GRM4: variants seen among roughly 807,000 people sequenced by gnomAD.
GRM4 encodes metabotropic glutamate receptor 4.
Under a neutral mutation model 81.7 loss-of-function variants are expected in GRM4, and 28 were observed. That is an observed-to-expected ratio of 0.34 (90% CI 0.25 to 0.47). The LOEUF is 0.47. Ranked by LOEUF, GRM4 falls within the 20% of genes least tolerant of loss-of-function variation. The probability of loss-of-function intolerance (pLI) is 1.00; values close to 1 mark genes in which losing one functional copy is unlikely to be tolerated. For synonymous variants in GRM4, 488 were observed against 528.8 expected, an observed-to-expected ratio of 0.92 and a Z score of 1.06; for missense variants, 948 against 1,290.0, an observed-to-expected ratio of 0.73 and a Z score of 4.06.
chr6:34,117,001 C>T (rs190143658), intron 2 of GRM4, among the ~76,000 whole-genome samples: 5 of 152,320 alleles, frequency 3.3e-5, no homozygotes, highest in Admixed American at 3.3e-4. Flanking sequence ...TATTGATTAT[C>T]CTTGGGGAGG....
At chr6:34,147,401 T>C (rs1221154805), upstream of GRM4, among the ~76,000 whole-genome samples, 1 of 152,220 alleles carries the variant, frequency 6.6e-6, no homozygotes, top group African/African-American at 2.4e-5. Context: ...CCCAGCCAAG[T>C]GTGCACTGCT....
intron 6 of GRM4, among the ~76,000 whole-genome samples, chr6:34,044,839 C>T (rs1189859243): frequency 1.4e-5 from 2 of 142,688 alleles, no homozygotes; most frequent in African/African-American, 2.9e-5. Flanking sequence ...CATACATACA[C>T]ATATATACAT....
intron 2 of GRM4, chr6:34,110,736 C>T (rs1016519667): frequency 3.3e-6 from 5 of 1,505,314 alleles, no homozygotes; most frequent in Non-Finnish European, 4.4e-6. Context: ...GCTGGTAGCA[C>T]CTGCAGCCCG....
intron 2 of GRM4, among the ~76,000 whole-genome samples, chr6:34,125,512 G>A (rs1430090611): frequency 6.6e-6 from 1 of 152,228 alleles, no homozygotes; most frequent in Admixed American, 6.5e-5. Context: ...GGGGATCCAG[G>A]AATCCAATGC....
chr6:34,043,468 A>T (rs775092190), intron 6 of GRM4, among the ~76,000 whole-genome samples: 6 of 152,018 alleles, frequency 3.9e-5, no homozygotes, highest in Non-Finnish European at 8.8e-5. Flanking sequence ...ATAAAACACT[A>T]CTTGACTCCC....
intron 1 of GRM4, among the ~76,000 whole-genome samples, chr6:34,139,154 G>A (rs2046820): frequency 6.6e-6 from 1 of 152,194 alleles, no homozygotes; most frequent in Non-Finnish European, 1.5e-5. Flanking sequence ...TCCTTCCCCC[G>A]TGAGCTGCTC....
intron 2 of GRM4, among the ~76,000 whole-genome samples, chr6:34,109,263 G>A (rs1769265269): frequency 6.6e-6 from 1 of 152,208 alleles, no homozygotes; most frequent in African/African-American, 2.4e-5. Flanking sequence ...CCAATTGCCA[G>A]CAACTGGTGA....
intron 3 of GRM4, among the ~76,000 whole-genome samples, chr6:34,088,012 C>A (rs1360851795): frequency 6.6e-6 from 1 of 152,096 alleles, no homozygotes; most frequent in Admixed American, 6.5e-5. Flanking sequence ...ACTTCCCAGG[C>A]CTCCCCAGGA....
intron 7 of GRM4, 81 bp downstream of exon 7, chr6:34,040,467 C>T (rs1764950454): frequency 6.9e-7 from 1 of 1,446,224 alleles, no homozygotes. Context: ...CCCATTCCCA[C>T]CCCACAGAGC....
At chr6:34,144,638 C>T (rs1444979599) in intron 1 of GRM4, among the ~76,000 whole-genome samples, 1 of 152,116 alleles carries the variant, frequency 6.6e-6, no homozygotes, top group African/African-American at 2.4e-5. Flanking sequence ...GGAGCCGAGG[C>T]GCGCGAGGCT....
At chr6:34,118,727 G>A (rs1187056991) in intron 2 of GRM4, among the ~76,000 whole-genome samples, 1 of 152,136 alleles carries the variant, frequency 6.6e-6, no homozygotes, top group Non-Finnish European at 1.5e-5. Context: ...TGAAAACTGT[G>A]GGCCATCCTC....
chr6:34,076,641 G>A (rs2451355), intron 3 of GRM4, among the ~76,000 whole-genome samples: 130,095 of 151,922 alleles, frequency 0.86, 55,931 homozygotes, highest in South Asian at 0.92. Context: ...AGTGAGCACG[G>A]CAGCAGGGAC....
In GRM4 at chr6:34,133,075, G is replaced by A; in HGVS notation, c.422C>T (p.Pro141Leu). The change falls in exon 2 of 11, where the codon CCA becomes CTA. Residue 141 changes from proline to leucine, a missense_variant. Transcript: ENST00000538487. This position sits in a 1 kb window ranked among gnomAD's most constrained non-coding sequence, Gnocchi z 6.5. ...GTEVRCGSGGPPIITKPERVV... is the reference protein window; with the variant it reads ...GTEVRCGSGGLPIITKPERVV... ...ACGTTCAGGCTTGGTGATGATGGGTGGGCCGCCACTGCCACAGCGGACCTC... is the reference window on the plus strand; with the variant it reads ...ACGTTCAGGCTTGGTGATGATGGGTAGGCCGCCACTGCCACAGCGGACCTC... 1 of 1,613,748 alleles carries A rather than the reference G, an allele frequency of 6.2e-7. No individual in the cohort carries two copies. Among genetic ancestry groups the A allele is most frequent in the Middle Eastern group, 1.7e-4 (1 of 6,060 alleles).
intron 6 of GRM4, among the ~76,000 whole-genome samples, chr6:34,044,323 CACAT>C (rs1349621179): frequency 3.3e-5 from 5 of 150,214 alleles, no homozygotes; most frequent in Non-Finnish European, 7.4e-5. Flanking sequence ...TACACAGACA[CACAT>C]ACACACAGAC....
chr6:34,107,599 C>T (rs1296555329), intron 2 of GRM4, among the ~76,000 whole-genome samples: 1 of 152,092 alleles, frequency 6.6e-6, no homozygotes, highest in African/African-American at 2.4e-5. Flanking sequence ...TACGCTGACA[C>T]CTGGAAGAGA....
At chr6:34,040,466 AC>A (rs1444356334) in intron 7 of GRM4, 81 bp downstream of exon 7, 2 of 1,445,630 alleles carry the variant, frequency 1.4e-6, no homozygotes, top group Non-Finnish European at 1.9e-6. Context: ...TCCCATTCCC[AC>A]CCCACAGAGC....
In GRM4 at chr6:34,059,213, G is replaced by A. The variant is rs1015786716; in HGVS notation, c.873-85C>T. 12 of 1,255,948 alleles carry A rather than the reference G, an allele frequency of 9.6e-6. No individual in the cohort carries two copies. The highest frequency in any genetic ancestry group is 1.5e-5 in the African/African-American group (1 of 68,182). 77.8% of individuals were successfully genotyped at this position (1,255,948 alleles called of 1,614,324 possible). On this transcript the variant is annotated intron_variant, in intron 4 of 10. Transcript: ENST00000538487. This position sits in a 1 kb window ranked among gnomAD's most constrained non-coding sequence, Gnocchi z 5.7. ...CTGGCCACACTTGCTTTGGGCCCAC[G>A]TCCCTCACCCCCAGAAGCCCAGGGT...
intron 3 of GRM4, among the ~76,000 whole-genome samples, chr6:34,087,705 C>CG (rs1439581694): frequency 6.8e-6 from 1 of 146,464 alleles, no homozygotes. Flanking sequence ...CACAACCCCC[C>CG]CCCCACACAC....
At chr6:34,105,555 C>T (rs147007544) in intron 2 of GRM4, among the ~76,000 whole-genome samples, 158 of 152,258 alleles carry the variant, frequency 1.0e-3, no homozygotes, top group Middle Eastern at 3.4e-3. Context: ...CTCCCTGATC[C>T]GACCCTGGTG....
Sources: gnomAD v4.1 joint callset for allele counts (sites outside exome capture counted in the v4.1 genomes callset) on GRCh38, gnomAD v4.1.1 for gene constraint, Gnocchi (gnomAD v3.1) non-coding constraint, MANE v1.5 for transcripts, NCBI Gene and HGNC (gene_info 2026-07-23, HGNC 2026-07-21) for gene names.